The following PCDH9 variants were observed in gnomAD, a reference collection of about 807,000 sequenced individuals.
PCDH9 encodes the protein protocadherin-9.
A neutral mutation model predicts 70.6 loss-of-function variants in PCDH9; 24 were observed. The ratio of observed to expected loss-of-function variants is 0.34; its 90% CI spans 0.25 to 0.48. The LOEUF is 0.48. PCDH9 is among the 20% of genes least tolerant of loss of function. PCDH9 has a pLI of 0.99. For synonymous variants in PCDH9, 562 were observed against 558.5 expected (o/e 1.01, Z -0.09); for missense variants, 1,281 against 1,503.6 (o/e 0.85, Z 2.45).
intron 4 of PCDH9, among the ~76,000 whole-genome samples, chr13:66,431,696 T>G (rs1314794209): frequency 6.6e-6 from 1 of 152,008 alleles, no homozygotes; most frequent in South Asian, 2.1e-4. Context: ...TCACTTAAAG[T>G]ATTGTATTTC....
intron 4 of PCDH9, among the ~76,000 whole-genome samples, chr13:66,525,807 C>T (rs1384966091): frequency 1.3e-5 from 2 of 152,100 alleles, no homozygotes; most frequent in African/African-American, 4.8e-5. Flanking sequence ...TGAAGCTTGT[C>T]ATCTCTTTCA....
At chr13:66,321,692 A>G (rs974974340) in intron 4 of PCDH9, among the ~76,000 whole-genome samples, 21 of 152,046 alleles carry the variant, frequency 1.4e-4, no homozygotes, top group Admixed American at 3.3e-4. Flanking sequence ...GCATTTATTT[A>G]AAAACAAAAC....
intron 4 of PCDH9, among the ~76,000 whole-genome samples, chr13:66,474,084 C>T (rs756951642): frequency 7.2e-5 from 11 of 152,138 alleles, no homozygotes; most frequent in Non-Finnish European, 1.5e-4. Flanking sequence ...ACAACAAATG[C>T]ATTCAATATA....
intron 4 of PCDH9, among the ~76,000 whole-genome samples, chr13:66,536,569 T>C (rs969370842): frequency 6.6e-6 from 1 of 152,116 alleles, no homozygotes; most frequent in African/African-American, 2.4e-5. Flanking sequence ...AAAGTCTTGA[T>C]ATTTTTGTAT....
chr13:67,201,632 A>C (rs2089214691), intron 2 of PCDH9: 1 of 152,050 alleles, frequency 6.6e-6, no homozygotes. Flanking sequence ...TTCTTGAGCC[A>C]ATTTTTTGTG....
intron 3 of PCDH9, among the ~76,000 whole-genome samples, chr13:66,812,483 A>C (rs1307714907): frequency 6.6e-6 from 1 of 152,192 alleles, no homozygotes; most frequent in Non-Finnish European, 1.5e-5. Flanking sequence ...ATGTACTCTG[A>C]TGATACTAAG....
At chr13:66,729,599 C>T (rs933782350) in intron 3 of PCDH9, among the ~76,000 whole-genome samples, 2 of 152,088 alleles carry the variant, frequency 1.3e-5, no homozygotes, top group Non-Finnish European at 2.9e-5. Context: ...ACCCTCATCC[C>T]CAACTTCTAT....
intron 2 of PCDH9, among the ~76,000 whole-genome samples, chr13:66,937,884 G>A (rs1190436005): frequency 6.6e-6 from 1 of 151,606 alleles, no homozygotes; most frequent in East Asian, 1.9e-4. Context: ...CTGTGAATCT[G>A]CTGTCATTCT....
At chr13:67,041,689 G>A (rs2085116952) in intron 2 of PCDH9, among the ~76,000 whole-genome samples, 1 of 151,872 alleles carries the variant, frequency 6.6e-6, no homozygotes, top group South Asian at 2.1e-4. Flanking sequence ...AAATTAGACA[G>A]GCATGGTTGT....
chr13:66,888,407 T>A (rs2082043123), intron 3 of PCDH9, among the ~76,000 whole-genome samples: 1 of 151,032 alleles, frequency 6.6e-6, no homozygotes, highest in Non-Finnish European at 1.5e-5. Flanking sequence ...GAGGCTGAGG[T>A]GGGAGGATTG....
At chr13:66,767,107 G>T (rs2079729682) in intron 3 of PCDH9, among the ~76,000 whole-genome samples, 3 of 151,974 alleles carry the variant, frequency 2.0e-5, no homozygotes. Context: ...ATTCGCAGTA[G>T]AAATCTACGT....
chr13:66,434,713 A>T (rs1187275863), intron 4 of PCDH9, among the ~76,000 whole-genome samples: 2 of 152,000 alleles, frequency 1.3e-5, no homozygotes, highest in African/African-American at 4.8e-5. Context: ...ATGTTCAAGC[A>T]CTCTAGCTTT....
intron 4 of PCDH9, among the ~76,000 whole-genome samples, chr13:66,420,973 T>A (rs1166990090): frequency 6.6e-6 from 1 of 152,010 alleles, no homozygotes; most frequent in East Asian, 1.9e-4. Context: ...GAATAACCAG[T>A]ATAGACAAGA....
chr13:66,711,438 C>A (rs1190143190), intron 3 of PCDH9, among the ~76,000 whole-genome samples: 1 of 150,376 alleles, frequency 6.6e-6, no homozygotes, highest in Non-Finnish European at 1.5e-5. Flanking sequence ...CAAAGTATTG[C>A]AGCTTCTGTT....
chr13:66,809,677 C>A (rs530079895), intron 3 of PCDH9, among the ~76,000 whole-genome samples: 24 of 152,136 alleles, frequency 1.6e-4, no homozygotes, highest in Non-Finnish European at 3.5e-4. Flanking sequence ...TTTCTAATTT[C>A]AGTGCATTCC....
At position 67,227,094 on chromosome 13, in the gene PCDH9, T is replaced by C. The variant is rs2089896131; in HGVS notation, c.1347A>G (p.Leu449=). Residue 449 remains leucine, a synonymous_variant, in exon 2 of 5, where the codon TTA becomes TTG. Coordinates refer to ENST00000377865, the MANE Select transcript of PCDH9 (RefSeq NM_203487.3). This position sits in a 1 kb window ranked among gnomAD's most constrained non-coding sequence, Gnocchi z 4.6. ...TAACCCTTACCAGGGCAGTCTGATT[T>C]AAACTGGGCTTCCCAGAATCAGAGG... The part of the protein sequence containing the change: ...IVASDSGKPS[L]NQTALVRVKL... The C allele has an allele frequency of 1.7e-5, 27 of 1,614,004 alleles. No homozygotes were observed. The East Asian group carries it at 6.0e-4, about 36-fold the overall frequency.
At chr13:66,813,656 G>A (rs2080551780) in intron 3 of PCDH9, among the ~76,000 whole-genome samples, 1 of 151,970 alleles carries the variant, frequency 6.6e-6, no homozygotes, top group Non-Finnish European at 1.5e-5. Context: ...TTATTTCATG[G>A]TGACTAGGCA....
intron 3 of PCDH9, among the ~76,000 whole-genome samples, chr13:66,822,316 T>C (rs555203990): frequency 1.3e-5 from 2 of 152,214 alleles, no homozygotes; most frequent in East Asian, 1.9e-4. Context: ...ACATCTCTCA[T>C]TAAGTTAAAT....
chr13:66,413,559 G>T (rs1209028602), intron 4 of PCDH9, among the ~76,000 whole-genome samples: 1 of 151,874 alleles, frequency 6.6e-6, no homozygotes, highest in East Asian at 1.9e-4. Flanking sequence ...GGTGGTGGGC[G>T]CCTGTAGTCC....
Sources: allele counts gnomAD v4.1 joint callset (sites outside exome capture counted in the v4.1 genomes callset), GRCh38; gene constraint gnomAD v4.1.1; non-coding constraint Gnocchi (gnomAD v3.1); transcripts MANE v1.5; gene names NCBI Gene and HGNC (gene_info 2026-07-23, HGNC 2026-07-21).